SGCD: variants seen among roughly 807,000 people sequenced by gnomAD.
SGCD encodes sarcoglycan delta, also known as delta-sarcoglycan.
In SGCD, 18 loss-of-function variants were observed where a neutral mutation model predicts 36.6. That is an observed-to-expected ratio of 0.49 (90% confidence interval 0.34 to 0.73). The LOEUF (loss-of-function observed/expected upper bound fraction) is 0.73. Among genes scored for constraint, SGCD ranks in the 30% least tolerant of loss-of-function variants. The pLI is 0.01. For synonymous variants in SGCD, 133 were observed against 130.6 expected, an observed-to-expected ratio of 1.02 and a Z score of -0.12; for missense variants, 387 against 346.7, an observed-to-expected ratio of 1.12 and a Z score of -0.92.
At chr5:156,470,665 C>T (rs1754921279) in intron 3 of SGCD, among the ~76,000 whole-genome samples, 1 of 152,054 alleles carries the variant, frequency 6.6e-6, no homozygotes, top group Non-Finnish European at 1.5e-5. Flanking sequence ...AAATTTTTCT[C>T]AAAAAGACTT....
chr5:156,553,903 A>G (rs2113210999), intron 4 of SGCD, among the ~76,000 whole-genome samples: 1 of 152,324 alleles, frequency 6.6e-6, no homozygotes, highest in East Asian at 1.9e-4. Flanking sequence ...ATTATGAGCA[A>G]TGCTACAATG....
intron 4 of SGCD, among the ~76,000 whole-genome samples, chr5:156,535,674 G>A (rs1220372233): frequency 1.3e-5 from 2 of 152,192 alleles, no homozygotes; most frequent in African/African-American, 4.8e-5. Flanking sequence ...TTTGTGTTTA[G>A]AGAGCACAAG....
chr5:156,611,030 G>A (rs1367965562), intron 6 of SGCD, among the ~76,000 whole-genome samples: 4 of 152,202 alleles, frequency 2.6e-5, no homozygotes, highest in African/African-American at 9.6e-5. Flanking sequence ...CTCATGCTCG[G>A]TGTGCTGCAC....
In SGCD at chr5:156,021,241, A is replaced by T. The variant is rs144599444; in HGVS notation, c.-281-96637A>T. On this transcript the variant is annotated intron_variant, in intron 1 of 9. Transcript: ENST00000517913. ...GTGTAGGGGCTTTTCATAATTTTTT[A>T]AAAAAGTTTAAATAAATCATTTATT... 7.0e-3 allele frequency among the ~76,000 whole-genome samples: 1,067 copies of T among 152,252 alleles called. 6 individuals carry two copies. The highest frequency in any genetic ancestry group is 0.015 in the African/African-American group (639 of 41,538).
At chr5:156,515,731 G>A (rs1050323237) in intron 4 of SGCD, among the ~76,000 whole-genome samples, 2 of 152,196 alleles carry the variant, frequency 1.3e-5, no homozygotes, top group Non-Finnish European at 2.9e-5. Context: ...GCAGCTGCTC[G>A]AGTCGTGGCC....
the SGCD span, among the ~76,000 whole-genome samples, chr5:155,843,903 TAATA>T: frequency 6.6e-6 from 1 of 152,040 alleles, no homozygotes; most frequent in Non-Finnish European, 1.5e-5. Flanking sequence ...TATATTTTTC[TAATA>T]AATCTTTCAC....
chr5:156,294,543 G>C (rs1206842926), intron 3 of SGCD, among the ~76,000 whole-genome samples: 1 of 152,140 alleles, frequency 6.6e-6, no homozygotes, highest in Non-Finnish European at 1.5e-5. Context: ...GTGAAAGCAA[G>C]TCTTCTTGCC....
intron 3 of SGCD, among the ~76,000 whole-genome samples, chr5:156,407,468 A>G (rs956537861): frequency 6.6e-6 from 1 of 152,180 alleles, no homozygotes; most frequent in African/African-American, 2.4e-5. Flanking sequence ...GGAGGGGATC[A>G]TCGTCTCTTC....
intron 3 of SGCD, among the ~76,000 whole-genome samples, chr5:156,361,900 T>C (rs1396282740): frequency 2.0e-5 from 3 of 152,158 alleles, no homozygotes; most frequent in African/African-American, 7.2e-5. Flanking sequence ...TGAAATTGCA[T>C]GTGGATTACT....
chr5:156,461,559 C>T (rs551205275), intron 3 of SGCD, among the ~76,000 whole-genome samples: 448 of 152,108 alleles, frequency 2.9e-3, no homozygotes, highest in African/African-American at 0.01. Context: ...AATTAGTTTT[C>T]ATATATAAAA....
chr5:156,267,542 T>G (rs1766033273), intron 3 of SGCD, among the ~76,000 whole-genome samples: 1 of 152,188 alleles, frequency 6.6e-6, no homozygotes, highest in African/African-American at 2.4e-5. Flanking sequence ...GAGGCAAAGC[T>G]CCAATTTCCC....
chr5:156,059,424 T>G (rs752944823), intron 1 of SGCD, among the ~76,000 whole-genome samples: 2 of 146,432 alleles, frequency 1.4e-5, no homozygotes, highest in Non-Finnish European at 1.5e-5. Flanking sequence ...TGAGTGAAGC[T>G]CTTTTAAACT....
chr5:155,966,812 G>C (rs1006931076), intron 1 of SGCD, among the ~76,000 whole-genome samples: 1 of 152,094 alleles, frequency 6.6e-6, no homozygotes, highest in Middle Eastern at 3.2e-3. Context: ...GGTAGCAGAT[G>C]ATCAGCAAAT....
At chr5:156,638,292 T>A (rs1305503368) in intron 6 of SGCD, among the ~76,000 whole-genome samples, 1 of 152,082 alleles carries the variant, frequency 6.6e-6, no homozygotes, top group Non-Finnish European at 1.5e-5. Context: ...GCAGAATCAA[T>A]GTTCTTTTTA....
intron 3 of SGCD, among the ~76,000 whole-genome samples, chr5:156,217,654 C>G (rs1477839902): frequency 6.6e-6 from 1 of 152,106 alleles, no homozygotes; most frequent in Non-Finnish European, 1.5e-5. Context: ...GATACTTAAA[C>G]TTTTGAACTC....
At chr5:156,135,604 A>G (rs1475182389) in intron 3 of SGCD, among the ~76,000 whole-genome samples, 2 of 152,270 alleles carry the variant, frequency 1.3e-5, no homozygotes, top group East Asian at 3.9e-4. Context: ...TCTCCTATGC[A>G]TAAATCCTTG....
intron 3 of SGCD, among the ~76,000 whole-genome samples, chr5:156,394,362 G>C (rs1163640434): frequency 6.6e-6 from 1 of 152,108 alleles, no homozygotes; most frequent in Non-Finnish European, 1.5e-5. Flanking sequence ...CTGAAGAAGG[G>C]GTAAATTAAA....
intron 6 of SGCD, among the ~76,000 whole-genome samples, chr5:156,609,352 T>A (rs544989758): frequency 1.3e-5 from 2 of 152,346 alleles, no homozygotes; most frequent in South Asian, 4.1e-4. Context: ...TTCTTTACTT[T>A]AAGAATGTTG....
chr5:156,573,608 G>C (rs1409906399), intron 4 of SGCD, among the ~76,000 whole-genome samples: 1 of 152,104 alleles, frequency 6.6e-6, no homozygotes, highest in African/African-American at 2.4e-5. Context: ...ACACCTTTTT[G>C]GTCAAGGTGC....
Sources: allele counts gnomAD v4.1 joint callset (sites outside exome capture counted in the v4.1 genomes callset), GRCh38; gene constraint gnomAD v4.1.1; transcripts MANE v1.5; gene names NCBI Gene and HGNC (gene_info 2026-07-23, HGNC 2026-07-21).